MAP3K9: variants seen among roughly 807,000 people sequenced by gnomAD.
MAP3K9 encodes mitogen-activated protein kinase kinase kinase 9.
Under a neutral mutation model 95.8 loss-of-function variants are expected in MAP3K9, and 46 were observed. The observed-to-expected ratio is 0.48, with a 90% CI of 0.38 to 0.61. The LOEUF (loss-of-function observed/expected upper bound fraction) is 0.61, where lower values mean the gene tolerates loss of function less well. Ranked by LOEUF, MAP3K9 falls within the 20% of genes least tolerant of loss-of-function variation. The pLI is 0.00. For synonymous variants in MAP3K9, 533 were observed against 593.8 expected (o/e 0.90, Z 1.49); for missense variants, 1,296 against 1,474.3 (o/e 0.88, Z 1.98).
intron 2 of MAP3K9, among the ~76,000 whole-genome samples, chr14:70,771,635 C>T (rs1187184917): frequency 2.0e-5 from 3 of 152,134 alleles, no homozygotes; most frequent in Non-Finnish European, 4.4e-5. Context: ...TCTGACATTC[C>T]TGGAGTCTGT....
At chr14:70,755,816 A>G (rs2054291379) in intron 3 of MAP3K9, among the ~76,000 whole-genome samples, 1 of 152,252 alleles carries the variant, frequency 6.6e-6, no homozygotes, top group African/African-American at 2.4e-5. Context: ...TTCAAACCAC[A>G]ATCATCAACC....
intron 2 of MAP3K9, among the ~76,000 whole-genome samples, chr14:70,764,074 T>C (rs2054412880): frequency 6.9e-6 from 1 of 144,866 alleles, no homozygotes. Flanking sequence ...TAGACCCAGC[T>C]ACTCGGGAGG....
intron 2 of MAP3K9, among the ~76,000 whole-genome samples, chr14:70,761,799 T>C (rs951465950): frequency 6.6e-6 from 1 of 152,194 alleles, no homozygotes; most frequent in Non-Finnish European, 1.5e-5. Flanking sequence ...CATTTCAAAG[T>C]GAACAATTTA....
chr14:70,745,912 T>C (rs1408492196), intron 5 of MAP3K9, among the ~76,000 whole-genome samples: 2 of 152,212 alleles, frequency 1.3e-5, no homozygotes, highest in Non-Finnish European at 2.9e-5. Flanking sequence ...TCCTTCTTTA[T>C]GGGAACATAG....
intron 2 of MAP3K9, among the ~76,000 whole-genome samples, chr14:70,798,700 G>A (rs978603742): frequency 2.6e-5 from 4 of 151,652 alleles, no homozygotes; most frequent in African/African-American, 7.3e-5. Flanking sequence ...GGATGGTCTC[G>A]ATCTCCTGAC....
rs768491592 is a variant in MAP3K9 at position 70,730,517 on chromosome 14, G to A, written c.3178C>T (p.Leu1060=). 10 of 1,613,990 alleles carry A rather than the reference G, an allele frequency of 6.2e-6. No homozygotes were observed. In the Admixed American group the frequency reaches 1.7e-4, roughly 27 times the overall value. ...AGGAGCGTCCGCTCAGTCGGGGGCA[G>A]CGGCCCTGCCTGGAACGGGAGCAGG... ...PALLPFQAGP[L]PPTERTLLDL... Residue 1060 remains leucine (L), a synonymous_variant, in exon 12 of 12, where the codon CTG becomes TTG. Transcript: ENST00000554752.
At chr14:70,808,439 CG>C (rs34783118) in intron 1 of MAP3K9, among the ~76,000 whole-genome samples, 868 of 83,990 alleles carry the variant, frequency 0.01, 10 homozygotes, top group African/African-American at 0.038. Flanking sequence ...TGGGGGGCGG[CG>C]GGGGGGTGGG....
intron 2 of MAP3K9, among the ~76,000 whole-genome samples, chr14:70,795,155 G>T (rs1049851165): frequency 6.6e-6 from 1 of 151,138 alleles, no homozygotes; most frequent in Non-Finnish European, 1.5e-5. Context: ...CACCACGTTC[G>T]GCTATTTTTT....
At chr14:70,776,368 G>C (rs921158670) in intron 2 of MAP3K9, among the ~76,000 whole-genome samples, 7 of 152,194 alleles carry the variant, frequency 4.6e-5, no homozygotes, top group Non-Finnish European at 7.4e-5. Flanking sequence ...TGTGGCTTGC[G>C]GGGAGGGTGT....
At chr14:70,792,316 A>C (rs909005236) in intron 2 of MAP3K9, among the ~76,000 whole-genome samples, 2 of 152,230 alleles carry the variant, frequency 1.3e-5, no homozygotes, top group Non-Finnish European at 2.9e-5. Flanking sequence ...CTCTCTGTTA[A>C]GAAGGAACAT....
chr14:70,747,414 A>G (rs1040104556), intron 5 of MAP3K9, among the ~76,000 whole-genome samples: 4 of 152,334 alleles, frequency 2.6e-5, no homozygotes, highest in Admixed American at 1.3e-4. Flanking sequence ...TACCATGATT[A>G]TAAGTTTCCT....
intron 2 of MAP3K9, among the ~76,000 whole-genome samples, chr14:70,799,272 C>T (rs996567769): frequency 3.9e-5 from 6 of 152,136 alleles, no homozygotes; most frequent in African/African-American, 1.4e-4. Context: ...TCAGCTTCCC[C>T]AAAGTGCTGG....
rs377419457 is a variant in MAP3K9 at position 70,742,400 on chromosome 14, C to T, written c.1518G>A (p.Arg506=). 208 of 1,614,106 alleles carry T rather than the reference C, an allele frequency of 1.3e-4. 1 individual carries two copies. The highest frequency in any genetic ancestry group is 1.8e-4 in the Non-Finnish European group (207 of 1,180,052). ...CATCCTTGAGCTTCAGCCGGCTCTT[C>T]CTGAACTTGCCCTTGCGTTTCTTCA... ...PRVKKRKGKF[R]KSRLKLKDGN... is the part of the protein sequence containing the mutation. Residue 506 remains arginine (R), a synonymous_variant, in exon 6 of 12, where the codon AGG becomes AGA. Coordinates refer to ENST00000554752, the MANE Select transcript of MAP3K9 (RefSeq NM_001284230.2).
rs182255579 is a variant in MAP3K9 at position 70,804,831 on chromosome 14, T to C, written c.407-3751A>G. ...AAAATCTCAGGTTCTTGCTATTTAG[T>C]TAAGCAAATATTATGACCTGACTCC... On this transcript the variant is annotated intron_variant, in intron 1 of 11. Coordinates refer to ENST00000554752, the MANE Select transcript of MAP3K9 (RefSeq NM_001284230.2). 8.1e-4 allele frequency among the ~76,000 whole-genome samples: 123 copies of C among 152,286 alleles called. 1 individual carries two copies. The highest frequency in any genetic ancestry group is 3.4e-3 in the Middle Eastern group (1 of 294).
chr14:70,787,902 A>G (rs2054765078), intron 2 of MAP3K9, among the ~76,000 whole-genome samples: 2 of 152,152 alleles, frequency 1.3e-5, no homozygotes, highest in African/African-American at 4.8e-5. Context: ...GTCCTATACT[A>G]GGGATGATGT....
At chr14:70,737,448 G>C (rs8010714) in intron 8 of MAP3K9, among the ~76,000 whole-genome samples, 77,459 of 152,058 alleles carry the variant, frequency 0.51, 20,888 homozygotes, top group South Asian at 0.62. Flanking sequence ...TACACTATGA[G>C]TGCCTTGCCT....
chr14:70,769,900 T>G (rs1212755655), intron 2 of MAP3K9, among the ~76,000 whole-genome samples: 4 of 152,240 alleles, frequency 2.6e-5, no homozygotes, highest in Non-Finnish European at 5.9e-5. Flanking sequence ...AGGTTAGGAC[T>G]TCAACTTATT....
chr14:70,805,853 G>T (rs1376604868), intron 1 of MAP3K9, among the ~76,000 whole-genome samples: 3 of 152,180 alleles, frequency 2.0e-5, no homozygotes, highest in Non-Finnish European at 4.4e-5. Context: ...CTTGAGCCCA[G>T]GAGTTCAAGG....
At chr14:70,755,717 C>T (rs1326072752) in intron 3 of MAP3K9, among the ~76,000 whole-genome samples, 1 of 152,278 alleles carries the variant, frequency 6.6e-6, no homozygotes, top group East Asian at 1.9e-4. Context: ...GAATGAAAGG[C>T]CCATTTAATG....
Sources: gnomAD v4.1 joint callset for allele counts (sites outside exome capture counted in the v4.1 genomes callset) on GRCh38, gnomAD v4.1.1 for gene constraint, MANE v1.5 for transcripts, NCBI Gene and HGNC (gene_info 2026-07-23, HGNC 2026-07-21) for gene names.